The following GRIK3 variants were observed in gnomAD, a reference collection of about 807,000 sequenced individuals.
The protein encoded by GRIK3 is glutamate receptor ionotropic, kainate 3.
Under a neutral mutation model 102.5 loss-of-function variants are expected in GRIK3, and 29 were observed. That is an observed-to-expected ratio of 0.28 (90% confidence interval 0.21 to 0.39). The LOEUF (loss-of-function observed/expected upper bound fraction) is 0.39, where lower values mean the gene tolerates loss of function less well. Among genes scored for constraint, GRIK3 ranks in the 10% least tolerant of loss-of-function variants. GRIK3 has a pLI of 1.00. For synonymous variants in GRIK3, 511 were observed against 504.9 expected (o/e 1.01, Z -0.16); for missense variants, 908 against 1,252.4 (o/e 0.73, Z 4.15).
rs148174082 is a variant in GRIK3, at chr1:36,981,150, T to A, written c.115+52844A>T. Among the ~76,000 whole-genome samples, 859 of 152,322 alleles carry A rather than the reference T, an allele frequency of 5.6e-3. 6 individuals are homozygous for A. Among genetic ancestry groups the A allele is most frequent in the Non-Finnish European group, 9.1e-3 (622 of 68,018 alleles). On this transcript the variant is annotated intron_variant, in intron 1 of 15. Coordinates refer to ENST00000373091, the MANE Select transcript of GRIK3 (RefSeq NM_000831.4). ...CACTCATTACATGCAGACACTGGGA[T>A]TTAAACCCAGGCAGTCTTGTTCCAG...
rs200511237 is a variant in GRIK3, at chr1:36,802,028, G to A, written c.2583C>T (p.Thr861=). 8 of 1,611,874 alleles carry A rather than the reference G, an allele frequency of 5.0e-6. No individual in the cohort carries two copies. The highest frequency in any genetic ancestry group is 3.3e-4 in the Middle Eastern group (2 of 6,078). ...AEREQRSFCS[T]VADEIRFSLT... ...GGGAGAAACGGATCTCATCGGCCAC[G>A]GTGCTGCAGAAGGAACGCTGCAGGA... Residue 861 remains threonine, a synonymous_variant, in exon 16 of 16, where the codon ACC becomes ACT. Coordinates refer to ENST00000373091, the MANE Select transcript of GRIK3 (RefSeq NM_000831.4).
chr1:36,879,367 G>C (rs1284332102), intron 3 of GRIK3, among the ~76,000 whole-genome samples: 1 of 152,074 alleles, frequency 6.6e-6, no homozygotes, highest in Non-Finnish European at 1.5e-5. Flanking sequence ...GGTGCTGCAT[G>C]CCTATAGTTC....
At chr1:36,804,145 G>C (rs530894425) in intron 15 of GRIK3, among the ~76,000 whole-genome samples, 35 of 152,290 alleles carry the variant, frequency 2.3e-4, no homozygotes, top group Non-Finnish European at 2.8e-4. Context: ...AGGCTTGCTG[G>C]TTATAGAGGA....
chr1:36,860,661 G>A lies in GRIK3; in HGVS notation c.787-644C>T, dbSNP rs560730587. 3.3e-5 allele frequency among the ~76,000 whole-genome samples: 5 copies of A among 152,282 alleles called. No homozygotes were observed. In the East Asian group the frequency reaches 7.7e-4, roughly 24 times the overall value. ...CGCAGGTGAGGCTGGCTGTAGCCCC[G>A]CCCTGCAGCTCTGGGTCTGGGGGCA... On this transcript the variant is annotated intron_variant, in intron 5 of 15. Transcript: ENST00000373091.
intron 1 of GRIK3, among the ~76,000 whole-genome samples, chr1:36,984,712 T>C (rs1642286657): frequency 6.6e-6 from 1 of 152,228 alleles, no homozygotes; most frequent in African/African-American, 2.4e-5. Flanking sequence ...CCCAATCCCC[T>C]TTTTCATGGC....
chr1:36,953,313 G>A (rs1641867299), intron 1 of GRIK3, among the ~76,000 whole-genome samples: 1 of 152,208 alleles, frequency 6.6e-6, no homozygotes, highest in African/African-American at 2.4e-5. Context: ...CACAGGTAGA[G>A]GGCAAGAGGA....
At chr1:36,812,816 A>G (rs1220930495) in intron 13 of GRIK3, among the ~76,000 whole-genome samples, 1 of 152,112 alleles carries the variant, frequency 6.6e-6, no homozygotes, top group Non-Finnish European at 1.5e-5. Context: ...CATGCTAACC[A>G]CAGAAATCAA....
chr1:37,005,196 G>A (rs946125342), intron 1 of GRIK3, among the ~76,000 whole-genome samples: 8 of 152,182 alleles, frequency 5.3e-5, no homozygotes, highest in African/African-American at 1.9e-4. Flanking sequence ...CTGCTTGCCT[G>A]GGTCCCCACC....
rs1642362955 is a variant in GRIK3, at chr1:36,796,174, A to T, written c.*5677T>A. The T allele has an allele frequency of 6.6e-6, 1 of 152,438 alleles. No individual in the cohort carries two copies. The highest frequency in any genetic ancestry group is 1.5e-5 in the Non-Finnish European group (1 of 68,224). 9.4% of individuals were successfully genotyped at this position (152,438 alleles called of 1,614,324 possible). On this transcript the variant is annotated 3_prime_UTR_variant, in exon 16 of 16. Coordinates refer to ENST00000373091, the MANE Select transcript of GRIK3 (RefSeq NM_000831.4). ...CCACCTCAGATATCTCCTCCCCTGC[A>T]TGCTCCAGAGATGCTCAGACCTGCG... is the stretch of plus-strand genomic sequence containing the variant.
intron 7 of GRIK3, among the ~76,000 whole-genome samples, chr1:36,855,996 C>CTG (rs1204405656): frequency 6.6e-6 from 1 of 152,212 alleles, no homozygotes; most frequent in Non-Finnish European, 1.5e-5. Flanking sequence ...TGCTGAAAGT[C>CTG]CTGGGGTCGA....
chr1:36,973,574 C>T (rs560080764), intron 1 of GRIK3, among the ~76,000 whole-genome samples: 29 of 148,254 alleles, frequency 2.0e-4, no homozygotes, highest in Non-Finnish European at 3.6e-4. Context: ...CATGCGCCAC[C>T]ACGCCCGGCT....
chr1:36,884,503 T>C (rs563334252), intron 2 of GRIK3, among the ~76,000 whole-genome samples: 10 of 152,276 alleles, frequency 6.6e-5, no homozygotes, highest in African/African-American at 2.4e-4. Flanking sequence ...AAGGAGGCCA[T>C]GTGTGAGTCA....
At chr1:36,868,953 C>A (rs544705738) in intron 5 of GRIK3, among the ~76,000 whole-genome samples, 1 of 152,194 alleles carries the variant, frequency 6.6e-6, no homozygotes, top group Non-Finnish European at 1.5e-5. Context: ...ACACATACTG[C>A]AGGAGGCTTT....
chr1:37,028,340 A>T (rs1489283881), intron 1 of GRIK3, among the ~76,000 whole-genome samples: 1 of 151,994 alleles, frequency 6.6e-6, no homozygotes, highest in African/African-American at 2.4e-5. Flanking sequence ...AACTGGCCTC[A>T]CCCAAGGGTG....
At chr1:36,818,564 C>T (rs1642656070) in intron 12 of GRIK3, among the ~76,000 whole-genome samples, 1 of 152,232 alleles carries the variant, frequency 6.6e-6, no homozygotes, top group Non-Finnish European at 1.5e-5. Context: ...CAGACCTCTG[C>T]CCAAGTCCCT....
At position 36,798,335 on chromosome 1, in the gene GRIK3, G is replaced by C. The variant is rs1007832292; in HGVS notation, c.*3516C>G. 4 of 152,286 alleles carry C rather than the reference G, an allele frequency of 2.6e-5. No homozygotes were observed. Among genetic ancestry groups the C allele is most frequent in the Non-Finnish European group, 5.9e-5 (4 of 68,094 alleles). 9.4% of individuals were successfully genotyped at this position (152,286 alleles called of 1,614,324 possible). ...TGCAGTGGGGACATTCTTCTGTTCA[G>C]GGCTGGCATGTGGCACCACGCAGGG... On this transcript the variant is annotated 3_prime_UTR_variant, in exon 16 of 16. Coordinates refer to ENST00000373091, the MANE Select transcript of GRIK3 (RefSeq NM_000831.4).
chr1:37,019,488 C>G (rs1642687772), intron 1 of GRIK3, among the ~76,000 whole-genome samples: 1 of 152,164 alleles, frequency 6.6e-6, no homozygotes, highest in South Asian at 2.1e-4. Context: ...AGACTCTGGT[C>G]TAAACTGTAC....
chr1:36,971,506 G>T (rs558366682), intron 1 of GRIK3, among the ~76,000 whole-genome samples: 1 of 152,232 alleles, frequency 6.6e-6, no homozygotes, highest in South Asian at 2.1e-4. Context: ...CTTAGAGTTG[G>T]GCCTCTAAAA....
rs1363111370 is a variant in GRIK3 at position 36,797,515 on chromosome 1, A to G, written c.*4336T>C. Reference sequence around the variant, plus strand: ...AGCCGGGCCACTTCCAGATGTGTCCACTTGACCTGCAACTTTCAGATGTGT... The same window carrying G: ...AGCCGGGCCACTTCCAGATGTGTCCGCTTGACCTGCAACTTTCAGATGTGT... On this transcript the variant is annotated 3_prime_UTR_variant, in exon 16 of 16. Coordinates refer to ENST00000373091, the MANE Select transcript of GRIK3 (RefSeq NM_000831.4). 1 of 152,098 alleles carries G rather than the reference A, an allele frequency of 6.6e-6. No homozygotes were observed. The highest frequency in any genetic ancestry group is 2.4e-5 in the African/African-American group (1 of 41,422). The allele number at this position is 152,098 out of a possible 1,614,324, so 9.4% of individuals were successfully genotyped here. A position where few individuals can be genotyped will look rare whatever the true frequency, so the allele number is the denominator to read the frequency against.
Sources: gnomAD v4.1 joint callset for allele counts (sites outside exome capture counted in the v4.1 genomes callset) on GRCh38, gnomAD v4.1.1 for gene constraint, MANE v1.5 for transcripts, NCBI Gene and HGNC (gene_info 2026-07-23, HGNC 2026-07-21) for gene names.